Variants in PTCD1 observed in about 807,000 individuals in gnomAD.
PTCD1 encodes pentatricopeptide repeat domain 1.
Under a neutral mutation model 53.4 loss-of-function variants are expected in PTCD1, and 50 were observed. The ratio of observed to expected loss-of-function variants is 0.94; its 90% confidence interval spans 0.75 to 1.19. The LOEUF is 1.19. Among genes scored for constraint, PTCD1 ranks in the 50% most tolerant of loss-of-function variants. PTCD1 has a pLI of 0.00. For missense variants in PTCD1, 918 were observed against 904.8 expected, an observed-to-expected ratio of 1.01 and a Z score of -0.19; for synonymous variants, 413 against 394.8, an observed-to-expected ratio of 1.05 and a Z score of -0.55.
At chr7:99,431,395 T>C (rs1796243444) in intron 3 of PTCD1, among the ~76,000 whole-genome samples, 1 of 151,868 alleles carries the variant, frequency 6.6e-6, no homozygotes, top group South Asian at 2.1e-4. Flanking sequence ...CCCAAAATGG[T>C]GGGATTACAG....
chr7:99,432,410 G>A (rs1796294057), intron 3 of PTCD1, among the ~76,000 whole-genome samples: 1 of 152,180 alleles, frequency 6.6e-6, no homozygotes, highest in Non-Finnish European at 1.5e-5. Context: ...TTGTGTAGGT[G>A]CACATCAAAG....
Position 99,425,345 on chromosome 7 carries a change from A to C in PTCD1, c.1187T>G (p.Leu396Arg). 1 of 1,614,172 alleles carries C rather than the reference A, an allele frequency of 6.2e-7. No individual in the cohort carries two copies. Among genetic ancestry groups the C allele is most frequent in the South Asian group, 1.1e-5 (1 of 91,090 alleles). ...GGCTTCCGGAGGCTCTGGAGGCCCAAGTGCCTGAGAAGGTTCCAGAAACAG... is the reference window on the plus strand; with the variant it reads ...GGCTTCCGGAGGCTCTGGAGGCCCACGTGCCTGAGAAGGTTCCAGAAACAG... ...RQLFLEPSQA[L>R]GPPEPPEARV... The change falls in exon 6 of 8, where the codon CTT becomes CGT. Residue 396 changes from leucine to arginine, a missense_variant. Coordinates refer to ENST00000292478, the MANE Select transcript of PTCD1 (RefSeq NM_015545.4).
In PTCD1 at chr7:99,434,789, C is replaced by T; in HGVS notation, c.453+1G>A. The T allele has an allele frequency of 6.2e-7, 1 of 1,613,958 alleles. No individual in the cohort carries two copies. Among genetic ancestry groups the T allele is most frequent in the Non-Finnish European group, 8.5e-7 (1 of 1,180,020 alleles). ...GCCACAGAACCCAAAGTGCCCCTTACCTTCCCTTCCTTGATCAGGTGTTTG... is the reference window on the plus strand; with the variant it reads ...GCCACAGAACCCAAAGTGCCCCTTATCTTCCCTTCCTTGATCAGGTGTTTG... On this transcript the variant is annotated splice_donor_variant, in intron 2 of 7. Coordinates refer to ENST00000292478, the MANE Select transcript of PTCD1 (RefSeq NM_015545.4). LOFTEE classifies it high-confidence loss of function.
In PTCD1 at chr7:99,434,848, CGGCCTCGCCATAATTTG is replaced by C; in HGVS notation, c.378_394del (p.Lys127GlufsTer22). On this transcript the variant is annotated frameshift_variant, in exon 2 of 8. Coordinates refer to ENST00000292478, the MANE Select transcript of PTCD1 (RefSeq NM_015545.4). LOFTEE classifies it high-confidence loss of function. The stretch of plus-strand genomic sequence containing the variant: ...GAAGTACCAGTACGGGGTGTTTCTC[CGGCCTCGCCATAATTTG>C]GGCTCCGGTTCCATTTGCTCATCTC... The C allele has an allele frequency of 1.2e-6, 2 of 1,614,174 alleles. No homozygotes were observed. Among genetic ancestry groups the C allele is most frequent in the Non-Finnish European group, 1.7e-6 (2 of 1,180,018 alleles).
intron 1 of PTCD1, among the ~76,000 whole-genome samples, chr7:99,435,512 G>A (rs187267761): frequency 8.0e-4 from 122 of 152,186 alleles, no homozygotes; most frequent in East Asian, 2.5e-3. Context: ...GGTGCTGTGC[G>A]CCTGTAATCC....
intron 7 of PTCD1, 80 bp from the exon 8 acceptor site, chr7:99,420,229 A>G: frequency 6.3e-7 from 1 of 1,598,554 alleles, no homozygotes; most frequent in African/African-American, 1.3e-5. Context: ...CTCAGGCCTC[A>G]GGGAAGCTGG....
At chr7:99,431,199 C>A (rs1232262830) in intron 3 of PTCD1, among the ~76,000 whole-genome samples, 4 of 151,652 alleles carry the variant, frequency 2.6e-5, no homozygotes, top group African/African-American at 9.7e-5. Context: ...GATCTCGGCT[C>A]ACTACGACCT....
chr7:99,419,415 T>G lies in PTCD1; in HGVS notation c.*552A>C. 1 of 1,613,150 alleles carries G rather than the reference T, an allele frequency of 6.2e-7. No individual in the cohort carries two copies. Among genetic ancestry groups the G allele is most frequent in the Non-Finnish European group, 8.5e-7 (1 of 1,180,004 alleles). On this transcript the variant is annotated 3_prime_UTR_variant, in exon 8 of 8. Transcript: ENST00000292478. ...GGGCCGCATCATCGAGTGCACACAC[T>G]GTGGCTGTCGTGGCTGCTCTGGCTG...
chr7:99,438,714 C>T lies in PTCD1; in HGVS notation c.-49G>A. On this transcript the variant is annotated 5_prime_UTR_variant, in exon 1 of 8. It adds an upstream start codon to the 5' untranslated region. Transcript: ENST00000292478. ...CACTTGAAGTGTCCGGCGCAGTGCA[C>T]TCCGACGGGGAGCCCTGCCCGGTCC... The T allele has an allele frequency of 7.7e-7, 1 of 1,294,568 alleles. No individual in the cohort carries two copies. The highest frequency in any genetic ancestry group is 1.0e-6 in the Non-Finnish European group (1 of 995,616). The allele number at this position is 1,294,568 out of a possible 1,614,324, so 80.2% of individuals were successfully genotyped here.
chr7:99,427,333 C>T lies in PTCD1; in HGVS notation c.916-1717G>A, dbSNP rs538978304. ...GGGGTCAGCCCCCCGCCCGGCCAGC[C>T]GCCCCGTCCGGGAGGGAGGTGGGGG... On this transcript the variant is annotated intron_variant, in intron 5 of 7. Transcript: ENST00000292478. Among the ~76,000 whole-genome samples the T allele has an allele frequency of 6.6e-3, 991 of 149,314 alleles. 6 individuals carry two copies. The highest frequency in any genetic ancestry group is 0.023 in the African/African-American group (917 of 40,486).
At chr7:99,432,935 G>C in intron 3 of PTCD1, 2 of 411,560 alleles carry the variant, frequency 4.9e-6, no homozygotes, top group Non-Finnish European at 9.2e-6. Context: ...TGTGCTCACA[G>C]CTACTGGCGA....
chr7:99,430,050 T>C (rs1465692935), intron 3 of PTCD1, among the ~76,000 whole-genome samples: 2 of 152,162 alleles, frequency 1.3e-5, no homozygotes, highest in East Asian at 3.9e-4. Flanking sequence ...CCTGGGCACT[T>C]GTCAGCCCAC....
In PTCD1 at chr7:99,434,856, C is replaced by T. The variant is rs575061663; in HGVS notation, c.387G>A (p.Trp129Ter). 6.2e-7 allele frequency: 1 copy of T among 1,614,194 alleles called. No homozygotes were observed. The highest frequency in any genetic ancestry group is 2.2e-5 in the East Asian group (1 of 44,884). ...AGTACGGGGTGTTTCTCCGGCCTCGCCATAATTTGGGCTCCGGTTCCATTT... is the reference window on the plus strand; with the variant it reads ...AGTACGGGGTGTTTCTCCGGCCTCGTCATAATTTGGGCTCCGGTTCCATTT... ...DEQMEPEPKL[W>*]RGRRNTPYWY... The change falls in exon 2 of 8, where the codon TGG becomes TGA. Residue 129 changes from tryptophan to a stop codon, truncating the protein, a stop_gained. Transcript: ENST00000292478. LOFTEE classifies it high-confidence loss of function.
rs1320969996 is a variant in PTCD1, at chr7:99,419,517, G to A, written c.*450C>T. 30 of 1,554,968 alleles carry A rather than the reference G, an allele frequency of 1.9e-5. No individual in the cohort carries two copies. The highest frequency in any genetic ancestry group is 1.7e-4 in the Middle Eastern group (1 of 5,934). On this transcript the variant is annotated 3_prime_UTR_variant, in exon 8 of 8. Coordinates refer to ENST00000292478, the MANE Select transcript of PTCD1 (RefSeq NM_015545.4). ...ACGCCACCCCCTTCCTGGGAGCAGC[G>A]AGCAGTGCCCCAGGCCCGAGTTGGA...
intron 5 of PTCD1, among the ~76,000 whole-genome samples, chr7:99,426,520 G>A (rs1796030789): frequency 1.3e-5 from 2 of 152,180 alleles, no homozygotes; most frequent in African/African-American, 4.8e-5. Context: ...GGAGTGCAGT[G>A]GCGTGATCTC....
intron 7 of PTCD1, among the ~76,000 whole-genome samples, chr7:99,422,410 A>C (rs905527103): frequency 1.3e-5 from 2 of 152,186 alleles, no homozygotes; most frequent in Non-Finnish European, 2.9e-5. Flanking sequence ...TGGACCCAAA[A>C]GCCAAACCCC....
At chr7:99,436,617 A>ATC (rs1796476311) in intron 1 of PTCD1, among the ~76,000 whole-genome samples, 1 of 150,052 alleles carries the variant, frequency 6.7e-6, no homozygotes, top group African/African-American at 2.5e-5. Context: ...TCCATCTCAA[A>ATC]ACAACAACAA....
At position 99,418,020 on chromosome 7, in the gene PTCD1, T is replaced by G; in HGVS notation, c.*1947A>C. The G allele has an allele frequency of 8.7e-7, 1 of 1,144,160 alleles. No individual in the cohort carries two copies. Among genetic ancestry groups the G allele is most frequent in the Middle Eastern group, 4.0e-4 (1 of 2,496 alleles). The allele number at this position is 1,144,160 out of a possible 1,614,324, so 70.9% of individuals were successfully genotyped here. On this transcript the variant is annotated 3_prime_UTR_variant, in exon 8 of 8. Coordinates refer to ENST00000292478, the MANE Select transcript of PTCD1 (RefSeq NM_015545.4). ...TCTTGCTTTGTCGCCCAGGCTGGAG[T>G]GCAGTGATGCCATCTTGGCTCACTG...
At chr7:99,429,344 A>G (rs1232903015) in intron 4 of PTCD1, 140 bp from the exon 5 acceptor site, 1 of 1,199,062 alleles carries the variant, frequency 8.3e-7, no homozygotes. Context: ...AGCCTGGGCA[A>G]CATAGCAAGA....
Sources: allele counts gnomAD v4.1 joint callset (sites outside exome capture counted in the v4.1 genomes callset), GRCh38; gene constraint gnomAD v4.1.1; transcripts MANE v1.5; gene names NCBI Gene and HGNC (gene_info 2026-07-23, HGNC 2026-07-21).